Variants in MGAT4C observed in about 807,000 individuals in gnomAD.
MGAT4C encodes the protein alpha-1,3-mannosyl-glycoprotein 4-beta-N-acetylglucosaminyltransferase C.
In MGAT4C, 19 loss-of-function variants were observed where a neutral mutation model predicts 40.1. The observed-to-expected ratio is 0.47, with a 90% confidence interval of 0.33 to 0.70. The LOEUF (loss-of-function observed/expected upper bound fraction) is 0.70. MGAT4C is among the 30% of genes least tolerant of loss of function. The pLI, the probability that MGAT4C is intolerant of heterozygous loss-of-function variation, is 0.02. For missense variants in MGAT4C, 491 were observed against 563.2 expected (o/e 0.87, Z 1.30); for synonymous variants, 181 against 187.1 (o/e 0.97, Z 0.27).
At chr12:86,644,894 T>C (rs1262940318) in intron 2 of MGAT4C, among the ~76,000 whole-genome samples, 1 of 151,706 alleles carries the variant, frequency 6.6e-6, no homozygotes, top group African/African-American at 2.4e-5. Flanking sequence ...GAAGAGAACA[T>C]AGGAACTTCT....
At chr12:86,000,439 A>G (rs1364633806) in intron 2 of MGAT4C, among the ~76,000 whole-genome samples, 1 of 152,162 alleles carries the variant, frequency 6.6e-6, no homozygotes, top group African/African-American at 2.4e-5. Flanking sequence ...AAATATGCTA[A>G]TAAGTTTGAC....
chr12:86,138,860 A>C (rs1236867577), intron 1 of MGAT4C, among the ~76,000 whole-genome samples: 1 of 151,932 alleles, frequency 6.6e-6, no homozygotes, highest in East Asian at 1.9e-4. Context: ...TTTCCTTATA[A>C]ATTAGCAGCC....
chr12:86,432,156 C>T (rs1957051178), intron 3 of MGAT4C, among the ~76,000 whole-genome samples: 2 of 151,922 alleles, frequency 1.3e-5, no homozygotes, highest in Admixed American at 1.3e-4. Context: ...TGGTGGGAAA[C>T]CAAGAAAACT....
At chr12:86,835,829 T>C (rs1023456543) in intron 1 of MGAT4C, among the ~76,000 whole-genome samples, 3 of 151,770 alleles carry the variant, frequency 2.0e-5, no homozygotes, top group African/African-American at 2.4e-5. Flanking sequence ...TGTGATAATA[T>C]ACATTTACAC....
At chr12:86,082,503 T>C (rs2135546275) in intron 1 of MGAT4C, among the ~76,000 whole-genome samples, 1 of 152,282 alleles carries the variant, frequency 6.6e-6, no homozygotes, top group African/African-American at 2.4e-5. Context: ...AAATGTGAGA[T>C]TTATTTAAAA....
chr12:86,610,988 G>C (rs1026283672), intron 2 of MGAT4C, among the ~76,000 whole-genome samples: 3 of 151,808 alleles, frequency 2.0e-5, no homozygotes, highest in Non-Finnish European at 4.4e-5. Context: ...GTCAGAAATG[G>C]CTGACTCTGG....
chr12:86,439,669 CA>C (rs1316588583), intron 2 of MGAT4C, among the ~76,000 whole-genome samples: 1 of 151,846 alleles, frequency 6.6e-6, no homozygotes, highest in Non-Finnish European at 1.5e-5. Flanking sequence ...AAAATCAATA[CA>C]AAAGGTAAAT....
At chr12:86,097,707 C>G (rs1418638954) in intron 1 of MGAT4C, among the ~76,000 whole-genome samples, 1 of 151,434 alleles carries the variant, frequency 6.6e-6, no homozygotes, top group African/African-American at 2.4e-5. Context: ...TGTTTAAGTA[C>G]TTTTAATTCA....
intron 2 of MGAT4C, among the ~76,000 whole-genome samples, chr12:86,571,664 C>T (rs1444015394): frequency 6.6e-6 from 1 of 151,920 alleles, no homozygotes; most frequent in Admixed American, 6.6e-5. Flanking sequence ...TACATGTGGA[C>T]ACATGCATTG....
rs1400714511 is a variant in MGAT4C, at chr12:85,966,808, C to A, written c.*12481G>T. ...GCAAACTATTGCAACGACAAAAAAACCAAACACTGCATGTTCTCATAGGTG... is the reference window on the plus strand; with the variant it reads ...GCAAACTATTGCAACGACAAAAAAAACAAACACTGCATGTTCTCATAGGTG... On this transcript the variant is annotated 3_prime_UTR_variant, in exon 5 of 5. Coordinates refer to ENST00000611864, the MANE Select transcript of MGAT4C (RefSeq NM_001351288.2). 13 of 151,748 alleles carry A rather than the reference C, an allele frequency of 8.6e-5. 1 individual carries two copies. The highest frequency in any genetic ancestry group is 4.6e-4 in the Admixed American group (7 of 15,212). 9.4% of individuals were successfully genotyped at this position (151,748 alleles called of 1,614,324 possible).
chr12:86,431,888 T>C (rs1423041636), intron 3 of MGAT4C, among the ~76,000 whole-genome samples: 1 of 152,114 alleles, frequency 6.6e-6, no homozygotes, highest in East Asian at 1.9e-4. Flanking sequence ...AGGGTTGTGC[T>C]GTAAGATTGC....
At chr12:86,078,021 G>A (rs535014332) in intron 1 of MGAT4C, among the ~76,000 whole-genome samples, 1 of 152,252 alleles carries the variant, frequency 6.6e-6, no homozygotes, top group Admixed American at 6.5e-5. Context: ...AGACCTCTAG[G>A]CCAGCAAAAC....
intron 4 of MGAT4C, among the ~76,000 whole-genome samples, chr12:86,325,469 G>A (rs1954504486): frequency 1.3e-5 from 2 of 152,150 alleles, no homozygotes; most frequent in South Asian, 4.1e-4. Context: ...AATCAAAAAG[G>A]ATTACAGTTC....
chr12:86,519,731 T>C (rs1472402358), intron 2 of MGAT4C, among the ~76,000 whole-genome samples: 1 of 152,198 alleles, frequency 6.6e-6, no homozygotes, highest in African/African-American at 2.4e-5. Flanking sequence ...TCAAATATTT[T>C]ACCTATTTTT....
intron 4 of MGAT4C, among the ~76,000 whole-genome samples, chr12:86,301,377 G>T (rs956463916): frequency 1.3e-5 from 2 of 152,086 alleles, no homozygotes; most frequent in South Asian, 2.1e-4. Context: ...TTACCAATTT[G>T]CTTGGAAAAT....
chr12:86,393,395 A>G (rs1956191739), intron 3 of MGAT4C, among the ~76,000 whole-genome samples: 1 of 152,220 alleles, frequency 6.6e-6, no homozygotes, highest in Admixed American at 6.5e-5. Flanking sequence ...CTAGCTTGGA[A>G]GGAATACAAG....
At chr12:86,119,527 C>A (rs2135675443) in intron 1 of MGAT4C, among the ~76,000 whole-genome samples, 1 of 152,056 alleles carries the variant, frequency 6.6e-6, no homozygotes, top group Non-Finnish European at 1.5e-5. Context: ...TCTGCTTCAG[C>A]CTCCAGAGTA....
intron 4 of MGAT4C, among the ~76,000 whole-genome samples, chr12:86,332,970 A>G (rs1046475236): frequency 2.0e-5 from 3 of 152,186 alleles, no homozygotes; most frequent in African/African-American, 7.2e-5. Flanking sequence ...AGTTACCAGC[A>G]GAAAAAGGCT....
chr12:86,525,979 C>G (rs1958872875), intron 2 of MGAT4C, among the ~76,000 whole-genome samples: 1 of 152,186 alleles, frequency 6.6e-6, no homozygotes, highest in African/African-American at 2.4e-5. Context: ...TTGGCTATGG[C>G]AGGGGGCCAG....
Sources: gnomAD v4.1 joint callset for allele counts (sites outside exome capture counted in the v4.1 genomes callset) on GRCh38, gnomAD v4.1.1 for gene constraint, MANE v1.5 for transcripts, NCBI Gene and HGNC (gene_info 2026-07-23, HGNC 2026-07-21) for gene names.